Variants in GCN1 observed in about 807,000 individuals in gnomAD.
The protein encoded by GCN1 is stalled ribosome sensor GCN1.
A neutral mutation model predicts 288.4 loss-of-function variants in GCN1; 90 were observed. That is an observed-to-expected ratio of 0.31 (90% CI 0.26 to 0.37). GCN1 has a LOEUF of 0.37. Among genes scored for constraint, GCN1 ranks in the 10% least tolerant of loss-of-function variants. GCN1 has a pLI of 1.00. For synonymous variants in GCN1, 1,386 were observed against 1,420.2 expected, an observed-to-expected ratio of 0.98 and a Z score of 0.54; for missense variants, 2,586 against 3,419.9, an observed-to-expected ratio of 0.76 and a Z score of 6.08.
At chr12:120,138,554 G>T in intron 46 of GCN1, 139 bp from the exon 47 acceptor site, 1 of 1,051,882 alleles carries the variant, frequency 9.5e-7, no homozygotes, top group Non-Finnish European at 1.5e-6. Context: ...GAAGCACAAA[G>T]CCAAGTCTGA....
chr12:120,138,599 T>G, intron 46 of GCN1, 96 bp downstream of exon 46: 1 of 1,319,490 alleles, frequency 7.6e-7, no homozygotes, highest in South Asian at 1.3e-5. Context: ...AGGGCCCACA[T>G]TGCGACTGCC....
At chr12:120,147,632 T>C (rs1877404496) in intron 37 of GCN1, among the ~76,000 whole-genome samples, 1 of 152,230 alleles carries the variant, frequency 6.6e-6, no homozygotes, top group Admixed American at 6.5e-5. Context: ...TTTGTTAACT[T>C]TTCCCTATAG....
intron 10 of GCN1, 35 bp downstream of exon 10, chr12:120,176,108 A>G: frequency 6.7e-7 from 1 of 1,488,640 alleles, no homozygotes; most frequent in South Asian, 1.1e-5. Flanking sequence ...ACCCAAGGTG[A>G]CACTTATGGG....
chr12:120,187,464 C>T (rs1020451782), intron 2 of GCN1, among the ~76,000 whole-genome samples: 7 of 152,246 alleles, frequency 4.6e-5, no homozygotes, highest in African/African-American at 1.7e-4. Context: ...GATCCATCCT[C>T]CTCGGCCTCC....
At position 120,137,084 on chromosome 12, in the gene GCN1, G is replaced by A. The variant is rs919838286; in HGVS notation, c.6777+122C>T. ...AAAACATGCTGTCTGCGAAGGTGCT[G>A]AACACCAACCACCACGGCTACTGCT... On this transcript the variant is annotated intron_variant, in intron 50 of 57. Coordinates refer to ENST00000300648, the MANE Select transcript of GCN1 (RefSeq NM_006836.2). This position sits in a 1 kb window ranked among gnomAD's most constrained non-coding sequence, Gnocchi z 5.2. The A allele has an allele frequency of 2.7e-6, 2 of 737,848 alleles. No individual in the cohort carries two copies. The highest frequency in any genetic ancestry group is 4.8e-6 in the Non-Finnish European group (2 of 413,624). The allele number at this position is 737,848 out of a possible 1,614,324, so 45.7% of individuals were successfully genotyped here. A position where few individuals can be genotyped will look rare whatever the true frequency, so the allele number is the denominator to read the frequency against.
At chr12:120,131,440 G>T in intron 54 of GCN1, 107 bp from the exon 55 acceptor site, 4 of 1,107,492 alleles carry the variant, frequency 3.6e-6, no homozygotes, top group South Asian at 2.9e-5. Flanking sequence ...CTGACCCAGA[G>T]CACAAGGAAA....
rs372933895 is a variant in GCN1 at position 120,157,987 on chromosome 12, C to T, written c.2949G>A (p.Pro983=). ...LSAPAFSLVF[P]FLKMVLTEMP... is the part of the protein sequence containing the mutation. Reference sequence around the variant, plus strand: ...TCTCCGTCAGCACCATCTTCAGAAACGGGAAGACTAAGGAGAAGGCTGGCG... The same window carrying T: ...TCTCCGTCAGCACCATCTTCAGAAATGGGAAGACTAAGGAGAAGGCTGGCG... Residue 983 remains proline (P), a synonymous_variant, in exon 26 of 58, where the codon CCG becomes CCA. Coordinates refer to ENST00000300648, the MANE Select transcript of GCN1 (RefSeq NM_006836.2). 136 of 1,614,006 alleles carry T rather than the reference C, an allele frequency of 8.4e-5. No individual in the cohort carries two copies. The African/African-American group carries it at 1.2e-3, about 14-fold the overall frequency.
At chr12:120,149,254 A>T (rs1877461044) in intron 36 of GCN1, among the ~76,000 whole-genome samples, 1 of 151,920 alleles carries the variant, frequency 6.6e-6, no homozygotes, top group South Asian at 2.1e-4. Context: ...AGGCGTGGTG[A>T]CTCACACCTG....
intron 10 of GCN1, 27 bp downstream of exon 10, chr12:120,176,116 G>A: frequency 6.5e-7 from 1 of 1,531,780 alleles, no homozygotes; most frequent in Non-Finnish European, 9.1e-7. Context: ...TGACACTTAT[G>A]GGCTGGAGAG....
At chr12:120,133,359 C>A (rs1876893648) in intron 53 of GCN1, among the ~76,000 whole-genome samples, 1 of 152,210 alleles carries the variant, frequency 6.6e-6, no homozygotes, top group South Asian at 2.1e-4. Context: ...TCCCTACTGG[C>A]CCCACAGTGC....
At chr12:120,141,053 A>G (rs1252911446) in intron 44 of GCN1, 30 bp from the exon 45 acceptor site, 1 of 1,593,588 alleles carries the variant, frequency 6.3e-7, no homozygotes, top group Non-Finnish European at 8.6e-7. Flanking sequence ...CAGGAAGTAA[A>G]GTCCCTGCAA....
intron 16 of GCN1, among the ~76,000 whole-genome samples, chr12:120,165,554 G>A (rs1177026326): frequency 1.2e-4 from 18 of 152,088 alleles, no homozygotes; most frequent in Middle Eastern, 3.4e-3. Flanking sequence ...TACACCCTCC[G>A]CCTCCCAGGT....
At chr12:120,131,840 C>A in intron 54 of GCN1, 86 bp downstream of exon 54, 1 of 834,214 alleles carries the variant, frequency 1.2e-6, no homozygotes, top group Non-Finnish European at 2.0e-6. Context: ...AAAAGATCCT[C>A]TGAGGGAGGG....
At chr12:120,143,024 A>C in intron 42 of GCN1, 83 bp from the exon 43 acceptor site, 1 of 777,154 alleles carries the variant, frequency 1.3e-6, no homozygotes, top group Non-Finnish European at 2.3e-6. Flanking sequence ...AGATGGAAAG[A>C]AGTGCACCCA....
Position 120,164,633 on chromosome 12 carries a change from C to T in GCN1, c.1688+13G>A. The T allele has an allele frequency of 6.2e-7, 1 of 1,612,116 alleles. No individual in the cohort carries two copies. Among genetic ancestry groups the T allele is most frequent in the Non-Finnish European group, 8.5e-7 (1 of 1,178,220 alleles). Reference sequence around the variant, plus strand: ...ATTTGGCCCAAAAGAAAAGGTAAGCCAGCCTCACGTACTGAACTTTGTTGC... The same window carrying T: ...ATTTGGCCCAAAAGAAAAGGTAAGCTAGCCTCACGTACTGAACTTTGTTGC... On this transcript the variant is annotated intron_variant, in intron 17 of 57. Coordinates refer to ENST00000300648, the MANE Select transcript of GCN1 (RefSeq NM_006836.2).
Position 120,153,907 on chromosome 12 carries a change from C to T in GCN1, c.3704G>A (p.Cys1235Tyr), listed in dbSNP as rs1297921924. Residue 1235 changes from cysteine (C) to tyrosine (Y), a missense_variant and splice_region_variant, in exon 32 of 58, where the codon TGT becomes TAT. Transcript: ENST00000300648. This position sits in a 1 kb window ranked among gnomAD's most constrained non-coding sequence, Gnocchi z 4.4. The stretch of plus-strand genomic sequence containing the variant: ...CTTGTTGAGGGCCAACGCCAAGCCA[C>T]ACCTGGGAAAGAAGTGGGAGCACAT... Reference protein sequence around the residue: ...ESPPDQWEARCGLALALNKLS... With the variant: ...ESPPDQWEARYGLALALNKLS... 5 of 1,613,366 alleles carry T rather than the reference C, an allele frequency of 3.1e-6. No homozygotes were observed. The highest frequency in any genetic ancestry group is 4.2e-6 in the Non-Finnish European group (5 of 1,179,548).
Position 120,155,710 on chromosome 12 carries a change from C to T in GCN1, c.3322G>A (p.Glu1108Lys). Residue 1108 changes from glutamate to lysine, a missense_variant, in exon 29 of 58, where the codon GAA (glutamate) becomes AAA (lysine). This residue lies in a region of GCN1 where 332 missense variants were observed against 403.0 expected (regional missense o/e 0.82). Transcript: ENST00000300648. The surrounding 1 kb of genome is among the most constrained non-coding windows in gnomAD (Gnocchi z 4.9). ...VRETVLRGLM[E>K]LHMVLPAPDT... ...GGTGCTGGCAATACCATGTGGAGTT[C>T]CATCAGCCCCTGGAAGGGGTGGGAT... 3 of 1,614,012 alleles carry T rather than the reference C, an allele frequency of 1.9e-6. No individual in the cohort carries two copies. Among genetic ancestry groups the T allele is most frequent in the Non-Finnish European group, 2.5e-6 (3 of 1,180,004 alleles).
At chr12:120,177,034 G>A (rs552388109) in intron 9 of GCN1, among the ~76,000 whole-genome samples, 62 of 152,160 alleles carry the variant, frequency 4.1e-4, no homozygotes, top group African/African-American at 1.3e-3. Context: ...CCAAACTGCC[G>A]GGATTACAGG....
chr12:120,158,146 C>T lies in GCN1; in HGVS notation c.2906-116G>A. On this transcript the variant is annotated intron_variant, in intron 25 of 57. Coordinates refer to ENST00000300648, the MANE Select transcript of GCN1 (RefSeq NM_006836.2). This position sits in a 1 kb window ranked among gnomAD's most constrained non-coding sequence, Gnocchi z 4.3. Reference sequence around the variant, plus strand: ...CGGATGGACCAGAGGCCCGTTCTGACACCTGGAAGCACATGGCACGAGGAC... The same window carrying T: ...CGGATGGACCAGAGGCCCGTTCTGATACCTGGAAGCACATGGCACGAGGAC... The T allele has an allele frequency of 2.1e-6, 2 of 945,886 alleles. No individual in the cohort carries two copies. Among genetic ancestry groups the T allele is most frequent in the Non-Finnish European group, 3.2e-6 (2 of 631,428 alleles). 58.6% of individuals were successfully genotyped at this position (945,886 alleles called of 1,614,324 possible).
Sources: gnomAD v4.1 joint callset for allele counts (sites outside exome capture counted in the v4.1 genomes callset) on GRCh38, gnomAD v4.1.1 for gene constraint, gnomAD v4.1.1 regional missense constraint, Gnocchi (gnomAD v3.1) non-coding constraint, MANE v1.5 for transcripts, NCBI Gene and HGNC (gene_info 2026-07-23, HGNC 2026-07-21) for gene names.